FSTL5: variants seen among roughly 807,000 people sequenced by gnomAD.
FSTL5 encodes the protein follistatin like 5.
FSTL5 carries 62 observed loss-of-function variants against 89.1 expected under a neutral mutation model. That is an observed-to-expected ratio of 0.70 (90% CI 0.57 to 0.86). The LOEUF (loss-of-function observed/expected upper bound fraction) is 0.86, where lower values mean the gene tolerates loss of function less well. Among genes scored for constraint, FSTL5 ranks in the 40% least tolerant of loss-of-function variants. The pLI, the probability that FSTL5 is intolerant of heterozygous loss-of-function variation, is 0.00. For missense variants in FSTL5, 1,057 were observed against 1,001.6 expected (o/e 1.06, Z -0.75); for synonymous variants, 383 against 346.2 (o/e 1.11, Z -1.18).
At chr4:161,647,020 C>G (rs565712516) in intron 7 of FSTL5, among the ~76,000 whole-genome samples, 1 of 152,000 alleles carries the variant, frequency 6.6e-6, no homozygotes, top group African/African-American at 2.4e-5. Context: ...TCCCATTTAC[C>G]TATTTTTGTT....
chr4:161,813,679 C>T (rs1486561743), intron 4 of FSTL5, among the ~76,000 whole-genome samples: 1 of 152,098 alleles, frequency 6.6e-6, no homozygotes, highest in Admixed American at 6.5e-5. Flanking sequence ...ACTTCTTTGC[C>T]TTAGTTATTT....
intron 15 of FSTL5, among the ~76,000 whole-genome samples, chr4:161,399,555 C>T (rs1469621519): frequency 6.6e-6 from 1 of 151,298 alleles, no homozygotes; most frequent in Non-Finnish European, 1.5e-5. Context: ...ATCGAGCCAA[C>T]CAACTTTTTT....
intron 6 of FSTL5, among the ~76,000 whole-genome samples, chr4:161,702,509 G>A (rs767930235): frequency 3.3e-5 from 5 of 152,068 alleles, no homozygotes; most frequent in Non-Finnish European, 5.9e-5. Flanking sequence ...CCAGGGTATC[G>A]CTTTAGAGTA....
rs543743033 is a variant in FSTL5 at position 161,945,233 on chromosome 4, C to T, written c.161-24581G>A. Among the ~76,000 whole-genome samples the T allele has an allele frequency of 3.4e-4, 52 of 152,220 alleles. 1 individual carries two copies. The highest frequency in any genetic ancestry group is 1.2e-3 in the African/African-American group (50 of 41,528). ...TACTTATACTAAATTTCAGGCTAAT[C>T]ATTTTTTTGTGTGTGAATTAAGCTC... On this transcript the variant is annotated intron_variant, in intron 3 of 15. Coordinates refer to ENST00000306100, the MANE Select transcript of FSTL5 (RefSeq NM_020116.5).
At chr4:161,570,234 A>C (rs1388339222) in intron 8 of FSTL5, among the ~76,000 whole-genome samples, 4 of 152,126 alleles carry the variant, frequency 2.6e-5, no homozygotes, top group African/African-American at 9.7e-5. Context: ...GCATAGTTAA[A>C]ATTTTAAATA....
chr4:162,135,863 C>A (rs895400849), intron 1 of FSTL5, among the ~76,000 whole-genome samples: 17 of 151,938 alleles, frequency 1.1e-4, no homozygotes, highest in Non-Finnish European at 2.2e-4. Context: ...TACTACTTCT[C>A]GGAAGGATGT....
intron 3 of FSTL5, among the ~76,000 whole-genome samples, chr4:161,995,965 C>T (rs955430188): frequency 6.6e-6 from 1 of 151,826 alleles, no homozygotes; most frequent in Non-Finnish European, 1.5e-5. Flanking sequence ...ACAGCCATCA[C>T]CTAAAAGGAT....
At chr4:161,454,959 T>G in intron 15 of FSTL5, 45 bp downstream of exon 15, 1 of 1,569,908 alleles carries the variant, frequency 6.4e-7, no homozygotes, top group East Asian at 2.3e-5. Context: ...TCTATTATAA[T>G]AGAGACAAAT....
intron 15 of FSTL5, among the ~76,000 whole-genome samples, chr4:161,414,192 A>G (rs1362034280): frequency 6.6e-6 from 1 of 152,238 alleles, no homozygotes; most frequent in African/African-American, 2.4e-5. Context: ...AAAGTAATTC[A>G]TAGTGAAAAC....
rs563889115 is a variant in FSTL5 at position 161,597,246 on chromosome 4, T to C, written c.895-9671A>G. Among the ~76,000 whole-genome samples, 52 of 152,238 alleles carry C rather than the reference T, an allele frequency of 3.4e-4. No homozygotes were observed. In the South Asian group the frequency reaches 1.0e-2, roughly 29 times the overall value. On this transcript the variant is annotated intron_variant, in intron 7 of 15. Coordinates refer to ENST00000306100, the MANE Select transcript of FSTL5 (RefSeq NM_020116.5). The stretch of plus-strand genomic sequence containing the variant: ...AGGGATCCAGTTTCAGCTTTCTACA[T>C]ATGGCTAGCCAGTTTTCCCAGCACC...
chr4:161,424,159 G>A (rs938419285), intron 15 of FSTL5, among the ~76,000 whole-genome samples: 2 of 150,150 alleles, frequency 1.3e-5, no homozygotes, highest in African/African-American at 4.9e-5. Context: ...TTACAGGCCT[G>A]AGCCACCACG....
chr4:161,989,052 T>C (rs1406275710), intron 3 of FSTL5, among the ~76,000 whole-genome samples: 1 of 152,180 alleles, frequency 6.6e-6, no homozygotes, highest in Non-Finnish European at 1.5e-5. Context: ...ATGCCAAGGA[T>C]GTATTCTACT....
intron 3 of FSTL5, among the ~76,000 whole-genome samples, chr4:161,925,202 A>G (rs1734090182): frequency 6.6e-6 from 1 of 151,924 alleles, no homozygotes; most frequent in African/African-American, 2.4e-5. Flanking sequence ...TTTTCTCTAT[A>G]ATATCTATTA....
At chr4:161,697,541 T>G (rs1738212719) in intron 6 of FSTL5, among the ~76,000 whole-genome samples, 2 of 152,218 alleles carry the variant, frequency 1.3e-5, no homozygotes, top group Admixed American at 1.3e-4. Context: ...ATCAAAGAGA[T>G]GTCTGCATTC....
intron 3 of FSTL5, among the ~76,000 whole-genome samples, chr4:161,948,292 GA>G (rs34074683): frequency 0.06 from 6,850 of 113,630 alleles, 242 homozygotes; most frequent in East Asian, 0.13. Context: ...CTAAAGAAAT[GA>G]AAAAAAAAAA....
At chr4:162,104,611 A>C (rs964920213) in intron 2 of FSTL5, among the ~76,000 whole-genome samples, 1 of 152,198 alleles carries the variant, frequency 6.6e-6, no homozygotes, top group Non-Finnish European at 1.5e-5. Context: ...TGTAACCTGC[A>C]TTGCCCTGTG....
intron 1 of FSTL5, among the ~76,000 whole-genome samples, chr4:162,133,004 G>C (rs1732367499): frequency 6.6e-6 from 1 of 152,018 alleles, no homozygotes; most frequent in Admixed American, 6.5e-5. Context: ...GTGCAGTGGC[G>C]CAATCTCGGC....
intron 7 of FSTL5, among the ~76,000 whole-genome samples, chr4:161,628,625 C>T (rs1365382670): frequency 1.3e-5 from 2 of 152,096 alleles, no homozygotes; most frequent in East Asian, 1.9e-4. Flanking sequence ...CACGTTAGCC[C>T]GTTAAGTGTA....
At chr4:162,080,512 G>A (rs1321085797) in intron 2 of FSTL5, among the ~76,000 whole-genome samples, 1 of 151,614 alleles carries the variant, frequency 6.6e-6, no homozygotes, top group Non-Finnish European at 1.5e-5. Flanking sequence ...ATTTCTAAGT[G>A]AGAGAGTAGT....
Sources: allele counts gnomAD v4.1 joint callset (sites outside exome capture counted in the v4.1 genomes callset), GRCh38; gene constraint gnomAD v4.1.1; transcripts MANE v1.5; gene names NCBI Gene and HGNC (gene_info 2026-07-23, HGNC 2026-07-21).